Variants in LMBR1 observed in about 807,000 individuals in gnomAD.
LMBR1 encodes limb region 1 protein homolog.
A neutral mutation model predicts 73.9 loss-of-function variants in LMBR1; 52 were observed. The observed-to-expected ratio is 0.70, with a 90% CI of 0.56 to 0.89. LMBR1 has a LOEUF of 0.89. Ranked by LOEUF, LMBR1 falls within the 40% of genes least tolerant of loss-of-function variation. LMBR1 has a pLI of 0.00. For synonymous variants in LMBR1, 215 were observed against 209.4 expected (o/e 1.03, Z -0.23); for missense variants, 539 against 579.8 (o/e 0.93, Z 0.72).
rs773075264 is a variant in LMBR1 at position 156,734,262 on chromosome 7, T to A, written c.758-5A>T. On this transcript the variant is annotated splice_polypyrimidine_tract_variant and splice_region_variant and intron_variant, in intron 9 of 16. Coordinates refer to ENST00000353442, the MANE Select transcript of LMBR1 (RefSeq NM_022458.4). ...ATTCCACCGATGAAGACAGCCCTGT[T>A]CAAAGCAAAAAATATTTAGAAGTAA... 1.3e-6 allele frequency: 2 copies of A among 1,585,548 alleles called. No homozygotes were observed. Among genetic ancestry groups the A allele is most frequent in the South Asian group, 2.3e-5 (2 of 85,586 alleles).
intron 3 of LMBR1, 107 bp downstream of exon 3, chr7:156,833,646 G>A (rs1048038556): frequency 2.6e-6 from 2 of 777,706 alleles, no homozygotes; most frequent in South Asian, 1.6e-5. Context: ...CTATTGTAAT[G>A]TGCTGGGTGA....
intron 9 of LMBR1, among the ~76,000 whole-genome samples, chr7:156,743,596 C>CT (rs1322038889): frequency 6.6e-6 from 1 of 152,156 alleles, no homozygotes; most frequent in East Asian, 1.9e-4. Flanking sequence ...GACTGGTGCT[C>CT]TTTCTCTTTT....
chr7:156,823,445 C>T (rs1015970688), intron 4 of LMBR1: 4 of 152,042 alleles, frequency 2.6e-5, no homozygotes, highest in African/African-American at 9.7e-5. Flanking sequence ...AAGAAATTGT[C>T]AGAAACCCAA....
intron 4 of LMBR1, among the ~76,000 whole-genome samples, chr7:156,819,074 G>A (rs1254020517): frequency 1.3e-5 from 2 of 152,116 alleles, no homozygotes; most frequent in Admixed American, 1.3e-4. Flanking sequence ...ATGCTCCAAT[G>A]TCATTTTTCT....
chr7:156,805,813 T>A (rs531686618), intron 4 of LMBR1, among the ~76,000 whole-genome samples: 210 of 152,238 alleles, frequency 1.4e-3, no homozygotes, highest in South Asian at 4.2e-3. Flanking sequence ...GTGATGGTCG[T>A]TAGAGACAGG....
chr7:156,807,542 C>T (rs2133555632), intron 4 of LMBR1, among the ~76,000 whole-genome samples: 1 of 139,480 alleles, frequency 7.2e-6, no homozygotes, highest in East Asian at 2.5e-4. Flanking sequence ...CTCTCTCATT[C>T]CTAATACTGG....
intron 15 of LMBR1, among the ~76,000 whole-genome samples, chr7:156,698,134 A>C (rs1019412509): frequency 1.3e-5 from 2 of 152,172 alleles, no homozygotes; most frequent in African/African-American, 4.8e-5. Context: ...TAAAGCTCCA[A>C]AATGATCTCC....
intron 4 of LMBR1, among the ~76,000 whole-genome samples, chr7:156,672,526 G>A (rs969351128): frequency 2.6e-5 from 4 of 152,208 alleles, no homozygotes; most frequent in Non-Finnish European, 5.9e-5. Flanking sequence ...TCCATCTAAA[G>A]TGTTTGAAGG....
chr7:156,692,139 G>A (rs1031937295), intron 15 of LMBR1, among the ~76,000 whole-genome samples: 7 of 152,036 alleles, frequency 4.6e-5, no homozygotes, highest in African/African-American at 1.4e-4. Context: ...GCAGCAGCGC[G>A]ATCTCAGCTC....
At chr7:156,804,433 AC>A (rs1195864825) in intron 4 of LMBR1, among the ~76,000 whole-genome samples, 2 of 152,234 alleles carry the variant, frequency 1.3e-5, no homozygotes, top group African/African-American at 4.8e-5. Context: ...TACCTGTTTA[AC>A]ATTTTAAGAA....
intron 3 of LMBR1, among the ~76,000 whole-genome samples, chr7:156,832,387 A>G (rs1836842240): frequency 6.6e-6 from 1 of 152,198 alleles, no homozygotes. Flanking sequence ...TTCATTCACA[A>G]TGTTGCACAA....
At chr7:156,809,072 A>C (rs2160099) in intron 4 of LMBR1, among the ~76,000 whole-genome samples, 69,348 of 151,966 alleles carry the variant, frequency 0.46, 15,996 homozygotes, top group East Asian at 0.61. Flanking sequence ...GCTTCTCTAC[A>C]TATAAACTGC....
chr7:156,734,025 C>A, intron 10 of LMBR1, 152 bp downstream of exon 10: 1 of 490,020 alleles, frequency 2.0e-6, no homozygotes, highest in Admixed American at 3.8e-5. Context: ...ATCCTCTCCC[C>A]AAACTGTAAG....
intron 9 of LMBR1, among the ~76,000 whole-genome samples, chr7:156,750,288 G>C (rs1298049446): frequency 7.0e-6 from 1 of 141,968 alleles, no homozygotes; most frequent in Non-Finnish European, 1.5e-5. Context: ...GTGTGCGTGT[G>C]TGTGTGTACG....
At chr7:156,767,469 A>T (rs1001097360) in intron 5 of LMBR1, among the ~76,000 whole-genome samples, 2 of 152,158 alleles carry the variant, frequency 1.3e-5, no homozygotes, top group African/African-American at 2.4e-5. Context: ...TGAGAAAAAA[A>T]GAGTTAAAGA....
rs1439096486 is a variant in LMBR1 at position 156,683,443 on chromosome 7, C to T, written c.*635G>A. 1 of 152,592 alleles carries T rather than the reference C, an allele frequency of 6.6e-6. No individual in the cohort carries two copies. The highest frequency in any genetic ancestry group is 2.4e-5 in the African/African-American group (1 of 41,424). 9.5% of individuals were successfully genotyped at this position (152,592 alleles called of 1,614,324 possible). On this transcript the variant is annotated 3_prime_UTR_variant, in exon 17 of 17. Coordinates refer to ENST00000353442, the MANE Select transcript of LMBR1 (RefSeq NM_022458.4). ...GATATTCCTGTGGCTCTCTAAGGCT[C>T]CAGGTTTAAAAGAATTTAGTATTTT...
rs1198085101 is a variant in LMBR1, at chr7:156,842,040, T to C, written c.67-5155A>G. 1.3e-5 allele frequency among the ~76,000 whole-genome samples: 2 copies of C among 150,778 alleles called. 1 individual carries two copies. Among genetic ancestry groups the C allele is most frequent in the Non-Finnish European group, 3.0e-5 (2 of 67,618 alleles). ...GGAGGAGAACAAGGAGGAGACAGAA[T>C]ATTTCAGTTCAGTTGCAGGTAGTTA... is the stretch of plus-strand genomic sequence containing the variant. On this transcript the variant is annotated intron_variant, in intron 1 of 16. Coordinates refer to ENST00000353442, the MANE Select transcript of LMBR1 (RefSeq NM_022458.4).
rs1253767241 is a variant in LMBR1 at position 156,892,998 on chromosome 7, C to T, written c.-5G>A. The T allele has an allele frequency of 1.3e-6, 2 of 1,523,518 alleles. No homozygotes were observed. Among genetic ancestry groups the T allele is most frequent in the East Asian group, 2.8e-5 (1 of 36,062 alleles). The allele number at this position is 1,523,518 out of a possible 1,614,324, so 94.4% of individuals were successfully genotyped here. A position where few individuals can be genotyped will look rare whatever the true frequency, so the allele number is the denominator to read the frequency against. On this transcript the variant is annotated 5_prime_UTR_variant, in exon 1 of 17. Coordinates refer to ENST00000353442, the MANE Select transcript of LMBR1 (RefSeq NM_022458.4). ...CACCTCGTCCTGCCCTTCCATCCTC[C>T]TTCATGCCCGCCGCCGCGCCGCCCG...
chr7:156,670,436 TGAAGA>T lies in LMBR1; in HGVS notation n.867-1154_867-1150del, dbSNP rs1356840245. On this transcript the variant is annotated intron_variant and non_coding_transcript_variant, in intron 4 of 4. Coordinates refer to the LMBR1 transcript ENST00000430825. This position sits in a 1 kb window ranked among gnomAD's most constrained non-coding sequence, Gnocchi z 4.3. ...GGCGCAGGATGTCACTGTCAGAATT[TGAAGA>T]GAAAAGAGAACACGTGGGACAGAGG... 2.6e-5 allele frequency among the ~76,000 whole-genome samples: 4 copies of T among 152,196 alleles called. No individual in the cohort carries two copies. The South Asian group carries it at 6.2e-4, about 24-fold the overall frequency.
Sources: allele counts gnomAD v4.1 joint callset (sites outside exome capture counted in the v4.1 genomes callset), GRCh38; gene constraint gnomAD v4.1.1; non-coding constraint Gnocchi (gnomAD v3.1); transcripts MANE v1.5; gene names NCBI Gene and HGNC (gene_info 2026-07-23, HGNC 2026-07-21).